The following RBFOX1 variants were observed in gnomAD, a reference collection of about 807,000 sequenced individuals.
The protein encoded by RBFOX1 is RNA binding fox-1 homolog 1, also known as RNA binding protein fox-1 homolog 1.
RBFOX1 carries 8 observed loss-of-function variants against 57.7 expected under a neutral mutation model. The ratio of observed to expected loss-of-function variants is 0.14; its 90% CI spans 0.08 to 0.25. The LOEUF (loss-of-function observed/expected upper bound fraction) is 0.25. RBFOX1 is among the 10% of genes least tolerant of loss of function. The pLI, the probability that RBFOX1 is intolerant of heterozygous loss-of-function variation, is 1.00. For missense variants in RBFOX1, 611 were observed against 548.5 expected (o/e 1.11, Z -1.14); for synonymous variants, 326 against 222.4 (o/e 1.47, Z -4.15).
chr16:5,997,344 A>C (rs763609947), intron 4 of RBFOX1, among the ~76,000 whole-genome samples: 15 of 152,222 alleles, frequency 9.9e-5, no homozygotes. Flanking sequence ...TCTGTTGTCT[A>C]GGGCAAGGTA....
chr16:7,452,975 A>G (rs1013675446), intron 4 of RBFOX1, among the ~76,000 whole-genome samples: 1 of 151,982 alleles, frequency 6.6e-6, no homozygotes, highest in African/African-American at 2.4e-5. Flanking sequence ...CTAAAAATAC[A>G]AAAATTAGCA....
intron 4 of RBFOX1, among the ~76,000 whole-genome samples, chr16:7,345,669 G>C (rs143565012): frequency 4.1e-4 from 63 of 152,300 alleles, no homozygotes; most frequent in African/African-American, 1.4e-3. Context: ...CCCACTTGCT[G>C]CCGGTGATGG....
At chr16:5,454,276 G>A (rs192850536) in intron 1 of RBFOX1, among the ~76,000 whole-genome samples, 1 of 152,304 alleles carries the variant, frequency 6.6e-6, no homozygotes, top group African/African-American at 2.4e-5. Flanking sequence ...ATATTCCAGT[G>A]TTGCATTGCT....
intron 4 of RBFOX1, among the ~76,000 whole-genome samples, chr16:7,514,529 C>A (rs772884663): frequency 2.6e-5 from 4 of 152,162 alleles, no homozygotes; most frequent in Non-Finnish European, 5.9e-5. Context: ...GCTGTGTGAG[C>A]TGTGGCCACC....
intron 4 of RBFOX1, among the ~76,000 whole-genome samples, chr16:7,405,703 G>A (rs975245551): frequency 6.6e-6 from 1 of 152,200 alleles, no homozygotes; most frequent in Non-Finnish European, 1.5e-5. Context: ...CCTGTGGTCA[G>A]CCTTCCCTGT....
intron 3 of RBFOX1, among the ~76,000 whole-genome samples, chr16:6,802,160 C>T (rs2085625135): frequency 6.6e-6 from 1 of 151,122 alleles, no homozygotes; most frequent in Admixed American, 6.6e-5. Context: ...GGCCTGGGCA[C>T]AATTCTGGGT....
At chr16:7,249,019 G>A (rs780037580) in intron 4 of RBFOX1, among the ~76,000 whole-genome samples, 1 of 152,102 alleles carries the variant, frequency 6.6e-6, no homozygotes, top group Non-Finnish European at 1.5e-5. Flanking sequence ...TGGGAGCCAG[G>A]GAATACAGCA....
chr16:7,295,414 A>G (rs969987744), intron 4 of RBFOX1, among the ~76,000 whole-genome samples: 2 of 152,170 alleles, frequency 1.3e-5, no homozygotes, highest in African/African-American at 4.8e-5. Flanking sequence ...AAATAGAAAT[A>G]CCTCATAATA....
intron 2 of RBFOX1, among the ~76,000 whole-genome samples, chr16:6,509,033 C>G (rs1640966): frequency 0.12 from 18,349 of 152,134 alleles, 1,913 homozygotes; most frequent in East Asian, 0.42. Flanking sequence ...CTTCATGGCA[C>G]CATACATTTG....
At chr16:7,133,506 A>G (rs1468295960) in intron 4 of RBFOX1, among the ~76,000 whole-genome samples, 2 of 152,186 alleles carry the variant, frequency 1.3e-5, no homozygotes, top group African/African-American at 4.8e-5. Context: ...TTTTGTTGCA[A>G]CCAACAGAGA....
chr16:5,517,998 C>T (rs903081982), intron 2 of RBFOX1, among the ~76,000 whole-genome samples: 1 of 151,446 alleles, frequency 6.6e-6, no homozygotes, highest in Non-Finnish European at 1.5e-5. Context: ...CTCATGGAGC[C>T]CCAGTGTTGA....
intron 2 of RBFOX1, among the ~76,000 whole-genome samples, chr16:6,529,405 A>G (rs924823816): frequency 4.6e-5 from 7 of 151,990 alleles, no homozygotes; most frequent in Admixed American, 3.9e-4. Flanking sequence ...CTAAAAATAC[A>G]AAAATCAGTT....
chr16:5,805,514 C>T (rs1480525815), intron 3 of RBFOX1, among the ~76,000 whole-genome samples: 3 of 152,098 alleles, frequency 2.0e-5, no homozygotes, highest in Non-Finnish European at 4.4e-5. Flanking sequence ...GGGTTGGTGG[C>T]CCTGCCAGAA....
chr16:6,170,668 T>A (rs879123300), intron 1 of RBFOX1, among the ~76,000 whole-genome samples: 1 of 152,172 alleles, frequency 6.6e-6, no homozygotes, highest in East Asian at 1.9e-4. Flanking sequence ...CACGGGGGTT[T>A]GTTGTACAAA....
At chr16:6,912,242 G>A (rs1027560208) in intron 3 of RBFOX1, among the ~76,000 whole-genome samples, 2 of 152,154 alleles carry the variant, frequency 1.3e-5, no homozygotes, top group African/African-American at 4.8e-5. Context: ...TTGAGGGTAC[G>A]TCAGAAGCAC....
chr16:6,854,903 A>C (rs1343519150), intron 3 of RBFOX1, among the ~76,000 whole-genome samples: 2 of 151,572 alleles, frequency 1.3e-5, no homozygotes, highest in Non-Finnish European at 2.9e-5. Flanking sequence ...CGAGGTGAAT[A>C]ATTTTTTTAT....
chr16:7,090,296 A>G (rs1027624691), intron 4 of RBFOX1, among the ~76,000 whole-genome samples: 1 of 152,218 alleles, frequency 6.6e-6, no homozygotes, highest in African/African-American at 2.4e-5. Context: ...TAACCTCTTT[A>G]TATGCACCTA....
At position 7,162,728 on chromosome 16, in the gene RBFOX1, C is replaced by CA. The variant is rs900815412; in HGVS notation, c.27+110639dup. On this transcript the variant is annotated intron_variant, in intron 4 of 15. Coordinates refer to ENST00000550418, the MANE Select transcript of RBFOX1 (RefSeq NM_018723.4). Reference sequence around the variant, plus strand: ...TGGGTAACAGAGTGAGACCGTAGCTCAAAAAAAAATAATCCAGATTTCATG... The same window carrying CA: ...TGGGTAACAGAGTGAGACCGTAGCTCAAAAAAAAAATAATCCAGATTTCATG... 5.2e-4 allele frequency among the ~76,000 whole-genome samples: 78 copies of CA among 150,166 alleles called. 1 individual carries two copies. Among genetic ancestry groups the CA allele is most frequent in the African/African-American group, 1.5e-3 (60 of 40,964 alleles).
At chr16:6,346,083 A>G (rs1447870482) in intron 2 of RBFOX1, among the ~76,000 whole-genome samples, 1 of 152,136 alleles carries the variant, frequency 6.6e-6, no homozygotes, top group Non-Finnish European at 1.5e-5. Context: ...CAGAGGGATG[A>G]CTTTGAATAG....
Sources: allele counts gnomAD v4.1 joint callset (sites outside exome capture counted in the v4.1 genomes callset), GRCh38; gene constraint gnomAD v4.1.1; transcripts MANE v1.5; gene names NCBI Gene and HGNC (gene_info 2026-07-23, HGNC 2026-07-21).